ACTN1: variants seen among roughly 807,000 people sequenced by gnomAD.
The protein encoded by ACTN1 is alpha-actinin-1.
ACTN1 carries 30 observed loss-of-function variants against 119.6 expected under a neutral mutation model. The ratio of observed to expected loss-of-function variants is 0.25; its 90% CI spans 0.19 to 0.34. The LOEUF (loss-of-function observed/expected upper bound fraction) is 0.34, where lower values mean the gene tolerates loss of function less well. Ranked by LOEUF, ACTN1 falls within the 10% of genes least tolerant of loss-of-function variation. The pLI, the probability that ACTN1 is intolerant of heterozygous loss-of-function variation, is 1.00. For synonymous variants in ACTN1, 429 were observed against 472.6 expected, an observed-to-expected ratio of 0.91 and a Z score of 1.20; for missense variants, 764 against 1,223.4, an observed-to-expected ratio of 0.62 and a Z score of 5.60.
At chr14:68,927,006 T>C (rs1002262446) in intron 1 of ACTN1, among the ~76,000 whole-genome samples, 1 of 152,188 alleles carries the variant, frequency 6.6e-6, no homozygotes, top group Non-Finnish European at 1.5e-5. Flanking sequence ...TTTTCAATCA[T>C]GTCTCACTAG....
Position 68,925,435 on chromosome 14 carries a change from T to C in ACTN1, c.220+123A>G, listed in dbSNP as rs920165156. 59 of 560,772 alleles carry C rather than the reference T, an allele frequency of 1.1e-4. No individual in the cohort carries two copies. The African/African-American group carries it at 1.1e-3, about 11-fold the overall frequency. 34.7% of individuals were successfully genotyped at this position (560,772 alleles called of 1,614,324 possible). A position where few individuals can be genotyped will look rare whatever the true frequency, so the allele number is the denominator to read the frequency against. The stretch of plus-strand genomic sequence containing the variant: ...GACCCACGCTCCTAGGATGAATTCA[T>C]ACATGTCATCCCCAACTTGTTTCAA... On this transcript the variant is annotated intron_variant, in intron 2 of 21. Coordinates refer to ENST00000394419, the MANE Select transcript of ACTN1 (RefSeq NM_001130004.2). This position sits in a 1 kb window ranked among gnomAD's most constrained non-coding sequence, Gnocchi z 4.3.
intron 21 of ACTN1, among the ~76,000 whole-genome samples, chr14:68,876,713 T>C (rs1435156466): frequency 6.6e-6 from 1 of 152,168 alleles, no homozygotes; most frequent in Non-Finnish European, 1.5e-5. Flanking sequence ...GCTCCCATTA[T>C]AGTCCGTGCC....
chr14:68,884,449 G>C (rs748531099), intron 13 of ACTN1, 141 bp from the exon 14 acceptor site: 1 of 1,037,948 alleles, frequency 9.6e-7, no homozygotes, highest in Non-Finnish European at 1.4e-6. Context: ...CCTGCCAGCT[G>C]TATGAACCAT....
chr14:68,967,515 G>T (rs955176748), intron 1 of ACTN1, among the ~76,000 whole-genome samples: 2 of 152,336 alleles, frequency 1.3e-5, no homozygotes, highest in South Asian at 4.1e-4. Context: ...AGGAGCCTCA[G>T]ATCAGTTACA....
intron 1 of ACTN1, chr14:68,978,520 T>C: frequency 3.3e-6 from 1 of 307,016 alleles, no homozygotes. Context: ...GAAGCGGCGC[T>C]GCCACCGCAC....
intron 1 of ACTN1, among the ~76,000 whole-genome samples, chr14:68,959,718 G>A (rs1264540789): frequency 6.6e-6 from 1 of 152,202 alleles, no homozygotes; most frequent in African/African-American, 2.4e-5. Flanking sequence ...CAGGGGGGTT[G>A]AACGAAATGG....
intron 1 of ACTN1, chr14:68,977,761 C>T: frequency 3.0e-6 from 1 of 335,622 alleles, no homozygotes; most frequent in South Asian, 2.2e-5. Context: ...CCCTCAAGCC[C>T]AGCCCTAACC....
intron 1 of ACTN1, among the ~76,000 whole-genome samples, chr14:68,961,631 A>G (rs1314441726): frequency 6.6e-6 from 1 of 152,142 alleles, no homozygotes; most frequent in Non-Finnish European, 1.5e-5. Flanking sequence ...GGTGCCATGG[A>G]TTTCACAGGG....
intron 16 of ACTN1, among the ~76,000 whole-genome samples, chr14:68,881,955 T>TTTTTTTTTAGA (rs58500225): frequency 9.7e-6 from 1 of 103,002 alleles, no homozygotes; most frequent in African/African-American, 4.4e-5. Context: ...TTTTTTTTTT[T>TTTTTTTTTAGA]GACAGAGTCT....
intron 1 of ACTN1, among the ~76,000 whole-genome samples, chr14:68,960,621 A>G (rs145173611): frequency 1.3e-5 from 2 of 152,208 alleles, no homozygotes; most frequent in East Asian, 3.9e-4. Flanking sequence ...CTTTAATTTA[A>G]AACTCTGGCC....
intron 8 of ACTN1, among the ~76,000 whole-genome samples, chr14:68,897,354 G>A (rs527266991): frequency 3.3e-5 from 5 of 151,720 alleles, no homozygotes; most frequent in African/African-American, 1.2e-4. Flanking sequence ...ACACTTTGTT[G>A]TATATTCAAG....
chr14:68,966,568 A>G (rs576999125), intron 1 of ACTN1, among the ~76,000 whole-genome samples: 1 of 152,108 alleles, frequency 6.6e-6, no homozygotes, highest in Non-Finnish European at 1.5e-5. Flanking sequence ...TGGCCTAATA[A>G]ATCAAAGAAG....
chr14:68,952,331 G>T (rs879782243), intron 1 of ACTN1, among the ~76,000 whole-genome samples: 11 of 152,254 alleles, frequency 7.2e-5, no homozygotes, highest in Non-Finnish European at 1.3e-4. Context: ...GACCCTGCGG[G>T]CTGCAGACAG....
chr14:68,912,604 T>C (rs2034071025), intron 3 of ACTN1, among the ~76,000 whole-genome samples: 1 of 152,104 alleles, frequency 6.6e-6, no homozygotes, highest in Non-Finnish European at 1.5e-5. Context: ...CTCAAACTCC[T>C]GGGTTCAAAC....
At chr14:68,912,536 C>T (rs538866094) in intron 3 of ACTN1, among the ~76,000 whole-genome samples, 11 of 152,128 alleles carry the variant, frequency 7.2e-5, no homozygotes, top group South Asian at 2.1e-4. Context: ...GCCACCACAC[C>T]CGGCTAATTT....
chr14:68,978,937 G>A lies in ACTN1; in HGVS notation c.105+15C>T. The A allele has an allele frequency of 8.3e-6, 13 of 1,563,664 alleles. No individual in the cohort carries two copies. The highest frequency in any genetic ancestry group is 1.1e-5 in the Non-Finnish European group (13 of 1,147,220). On this transcript the variant is annotated intron_variant, in intron 1 of 21. Transcript: ENST00000394419. The stretch of plus-strand genomic sequence containing the variant: ...TGGGGGCTGGGGGCTGCAGCGGGCG[G>A]GGGCGGCTGCTAACCTTTCTCTGCT...
chr14:68,911,744 T>C lies in ACTN1; in HGVS notation c.427+412A>G, dbSNP rs185717245. Among the ~76,000 whole-genome samples the C allele has an allele frequency of 4.7e-3, 718 of 152,302 alleles. 9 individuals are homozygous for C. The highest frequency in any genetic ancestry group is 0.034 in the South Asian group (162 of 4,828). Reference sequence around the variant, plus strand: ...GCGTAGAGATCACCTCTCCAGACCATGGCGGCCCTTGCAGATCTGTGAAAT... The same window carrying C: ...GCGTAGAGATCACCTCTCCAGACCACGGCGGCCCTTGCAGATCTGTGAAAT... On this transcript the variant is annotated intron_variant, in intron 4 of 21. Coordinates refer to ENST00000394419, the MANE Select transcript of ACTN1 (RefSeq NM_001130004.2).
At chr14:68,963,562 TG>T (rs1485351875) in intron 1 of ACTN1, among the ~76,000 whole-genome samples, 1 of 152,244 alleles carries the variant, frequency 6.6e-6, no homozygotes, top group East Asian at 1.9e-4. Context: ...CGTATCCAGC[TG>T]AACTCACCCT....
intron 1 of ACTN1, chr14:68,936,655 G>A: frequency 1.6e-6 from 1 of 624,074 alleles, no homozygotes; most frequent in Non-Finnish European, 3.1e-6. Flanking sequence ...TGGGGGAAGA[G>A]CCAGTGGGGA....
Sources: gnomAD v4.1 joint callset for allele counts (sites outside exome capture counted in the v4.1 genomes callset) on GRCh38, gnomAD v4.1.1 for gene constraint, Gnocchi (gnomAD v3.1) non-coding constraint, MANE v1.5 for transcripts, NCBI Gene and HGNC (gene_info 2026-07-23, HGNC 2026-07-21) for gene names.